The following BMPER variants were observed in gnomAD, a reference collection of about 807,000 sequenced individuals.
BMPER encodes BMP binding endothelial regulator.
A neutral mutation model predicts 87.3 loss-of-function variants in BMPER; 45 were observed. That is an observed-to-expected ratio of 0.52 (90% CI 0.41 to 0.66). BMPER has a LOEUF of 0.66. Among genes scored for constraint, BMPER ranks in the 30% least tolerant of loss-of-function variants. The pLI is 0.00. For missense variants in BMPER, 784 were observed against 867.5 expected (o/e 0.90, Z 1.21); for synonymous variants, 326 against 316.2 (o/e 1.03, Z -0.33).
At chr7:34,123,435 T>C (rs1790312918) in intron 13 of BMPER, among the ~76,000 whole-genome samples, 1 of 152,178 alleles carries the variant, frequency 6.6e-6, no homozygotes, top group Non-Finnish European at 1.5e-5. Context: ...GAACTGCACA[T>C]TGGTGTCACC....
chr7:33,942,922 C>T (rs977538048), intron 3 of BMPER, among the ~76,000 whole-genome samples: 8 of 152,108 alleles, frequency 5.3e-5, no homozygotes, highest in Admixed American at 1.3e-4. Context: ...TCCAGTTATT[C>T]GATTGTGTAA....
chr7:33,990,733 T>C, intron 6 of BMPER, among the ~76,000 whole-genome samples: 1 of 131,328 alleles, frequency 7.6e-6, no homozygotes, highest in African/African-American at 2.9e-5. Flanking sequence ...GCCCATTCAG[T>C]ATGATATTGG....
At chr7:33,990,534 C>G (rs1422442494) in intron 6 of BMPER, among the ~76,000 whole-genome samples, 1 of 150,306 alleles carries the variant, frequency 6.7e-6, no homozygotes, top group African/African-American at 2.4e-5. Context: ...ATGGGGTTTT[C>G]TAGATATACA....
At chr7:34,112,205 A>G (rs1789983522) in intron 13 of BMPER, among the ~76,000 whole-genome samples, 1 of 152,086 alleles carries the variant, frequency 6.6e-6, no homozygotes, top group Admixed American at 6.5e-5. Context: ...GAAAACATAG[A>G]CAATGAAGGC....
intron 13 of BMPER, among the ~76,000 whole-genome samples, chr7:34,090,438 C>T (rs535508438): frequency 2.0e-5 from 3 of 152,074 alleles, no homozygotes; most frequent in Non-Finnish European, 2.9e-5. Flanking sequence ...AGATGCCAAC[C>T]GAGCAATCCA....
rs1174654767 is a variant in BMPER, at chr7:34,078,988, C to A, written c.1210C>A (p.Leu404Met). ...CTCCCCTGCCTCGCCCTTCCAGGTG[C>A]TGGTGAAGAACGACGCCCGCCGGAC... ...CSSPASPFQV[L>M]VKNDARRTRS... The change falls in exon 12 of 15, where the codon CTG (leucine) becomes ATG (methionine). Residue 404 changes from leucine (L) to methionine (M), a missense_variant. Transcript: ENST00000649409. 6.2e-7 allele frequency: 1 copy of A among 1,614,214 alleles called. No homozygotes were observed. The highest frequency in any genetic ancestry group is 8.5e-7 in the Non-Finnish European group (1 of 1,180,046).
intron 3 of BMPER, among the ~76,000 whole-genome samples, chr7:33,943,572 G>C (rs1350733367): frequency 6.6e-6 from 1 of 152,328 alleles, no homozygotes. Flanking sequence ...AGAAATCACA[G>C]TGTTGGGAGA....
intron 6 of BMPER, chr7:34,043,053 A>G (rs1456090112): frequency 2.0e-5 from 3 of 152,088 alleles, no homozygotes; most frequent in Non-Finnish European, 4.4e-5. Flanking sequence ...GAGAGATTGG[A>G]AAGAGGTATA....
rs115614679 is a variant in BMPER at position 34,075,710 on chromosome 7, G to A, written c.1079-3147G>A. On this transcript the variant is annotated intron_variant, in intron 11 of 14. Transcript: ENST00000649409. Reference sequence around the variant, plus strand: ...GTGTGACTGGACATCTGGACGTGTTGGACTGAAGCTCATTTCACTGGGTCC... The same window carrying A: ...GTGTGACTGGACATCTGGACGTGTTAGACTGAAGCTCATTTCACTGGGTCC... 5.6e-3 allele frequency among the ~76,000 whole-genome samples: 855 copies of A among 152,230 alleles called. 8 individuals carry two copies. The highest frequency in any genetic ancestry group is 0.019 in the African/African-American group (777 of 41,510).
At chr7:34,021,468 G>T (rs149319515) in intron 6 of BMPER, among the ~76,000 whole-genome samples, 1 of 152,134 alleles carries the variant, frequency 6.6e-6, no homozygotes, top group African/African-American at 2.4e-5. Flanking sequence ...AAGGTTTAAA[G>T]CGAGATACTT....
intron 6 of BMPER, among the ~76,000 whole-genome samples, chr7:34,027,556 C>T (rs1026070833): frequency 6.6e-6 from 1 of 152,020 alleles, no homozygotes; most frequent in Non-Finnish European, 1.5e-5. Context: ...AGGAAAAACA[C>T]TTATGTGTTT....
At chr7:34,101,408 G>A (rs1294949805) in intron 13 of BMPER, among the ~76,000 whole-genome samples, 1 of 152,168 alleles carries the variant, frequency 6.6e-6, no homozygotes, top group Non-Finnish European at 1.5e-5. Flanking sequence ...TGTGTCACTG[G>A]CATCCTTCTT....
At chr7:34,020,859 A>AACAC (rs61345180) in intron 6 of BMPER, among the ~76,000 whole-genome samples, 17,505 of 146,740 alleles carry the variant, frequency 0.12, 1,208 homozygotes, top group East Asian at 0.21. Flanking sequence ...TGAATTTCTT[A>AACAC]ACACACACAC....
rs145073279 is a variant in BMPER at position 34,049,373 on chromosome 7, C to T, written c.677-2488C>T. Among the ~76,000 whole-genome samples, 6 of 152,220 alleles carry T rather than the reference C, an allele frequency of 3.9e-5. No individual in the cohort carries two copies. In the East Asian group the frequency reaches 1.2e-3, roughly 29 times the overall value. On this transcript the variant is annotated intron_variant, in intron 7 of 14. Coordinates refer to ENST00000649409, the MANE Select transcript of BMPER (RefSeq NM_001365308.1). ...GTGAGGAAGAGTTTAAGCGATTGGT[C>T]ACATTTGTTCAGGGGGATAAGCACA...
At chr7:34,045,120 T>C (rs1787927666) in intron 6 of BMPER, among the ~76,000 whole-genome samples, 1 of 152,174 alleles carries the variant, frequency 6.6e-6, no homozygotes, top group African/African-American at 2.4e-5. Context: ...GGGTACTAGT[T>C]TGGTTTCTAG....
rs62449714 is a variant in BMPER at position 33,947,926 on chromosome 7, T to G, written c.319+10538T>G. Among the ~76,000 whole-genome samples, 934 of 152,220 alleles carry G rather than the reference T, an allele frequency of 6.1e-3. 6 individuals are homozygous for G. The highest frequency in any genetic ancestry group is 9.4e-3 in the Non-Finnish European group (636 of 67,996). ...ACTTACCATATATAGAAACAAACATTTAAAAAAACTCTTATATGAAAATAA... is the reference window on the plus strand; with the variant it reads ...ACTTACCATATATAGAAACAAACATGTAAAAAAACTCTTATATGAAAATAA... On this transcript the variant is annotated intron_variant, in intron 3 of 14. Coordinates refer to ENST00000649409, the MANE Select transcript of BMPER (RefSeq NM_001365308.1).
chr7:34,063,889 CCT>C lies in BMPER; in HGVS notation c.1078+1845_1078+1846del, dbSNP rs547649243. ...AGCAGAGACAGACCTCATAGGAATG[CCT>C]CTTATTTTCCAGTTAACTCTTTCAA... On this transcript the variant is annotated intron_variant, in intron 11 of 14. Transcript: ENST00000649409. Among the ~76,000 whole-genome samples the C allele has an allele frequency of 7.9e-5, 12 of 152,322 alleles. No homozygotes were observed. The East Asian group carries it at 2.3e-3, about 29-fold the overall frequency.
At chr7:34,021,470 G>A (rs1011084038) in intron 6 of BMPER, among the ~76,000 whole-genome samples, 3 of 151,946 alleles carry the variant, frequency 2.0e-5, no homozygotes, top group African/African-American at 7.2e-5. Context: ...GGTTTAAAGC[G>A]AGATACTTTG....
At chr7:34,020,978 C>G (rs977502842) in intron 6 of BMPER, among the ~76,000 whole-genome samples, 1 of 151,744 alleles carries the variant, frequency 6.6e-6, no homozygotes. Flanking sequence ...GTTTAAGTGG[C>G]CTTCTCCATT....
Sources: gnomAD v4.1 joint callset for allele counts (sites outside exome capture counted in the v4.1 genomes callset) on GRCh38, gnomAD v4.1.1 for gene constraint, MANE v1.5 for transcripts, NCBI Gene and HGNC (gene_info 2026-07-23, HGNC 2026-07-21) for gene names.